MAPRE2: variants seen among roughly 807,000 people sequenced by gnomAD.
MAPRE2 encodes microtubule associated protein RP/EB family member 2, also known as microtubule-associated protein RP/EB family member 2.
A neutral mutation model predicts 43.2 loss-of-function variants in MAPRE2; 13 were observed. The ratio of observed to expected loss-of-function variants is 0.30; its 90% CI spans 0.20 to 0.48. The LOEUF (loss-of-function observed/expected upper bound fraction) is 0.48, where lower values mean the gene tolerates loss of function less well. MAPRE2 is among the 20% of genes least tolerant of loss of function. The probability of loss-of-function intolerance (pLI) is 0.99; values close to 1 mark genes in which losing one functional copy is unlikely to be tolerated. For missense variants in MAPRE2, 161 were observed against 400.2 expected, an observed-to-expected ratio of 0.40 and a Z score of 5.10; for synonymous variants, 135 against 148.8, an observed-to-expected ratio of 0.91 and a Z score of 0.68.
Position 35,141,548 on chromosome 18 carries a change from T to G in MAPRE2, c.*1179T>G, listed in dbSNP as rs1910637996. The G allele has an allele frequency of 1.3e-5, 2 of 152,210 alleles. No individual in the cohort carries two copies. The highest frequency in any genetic ancestry group is 4.8e-5 in the African/African-American group (2 of 41,458). The allele number at this position is 152,210 out of a possible 1,614,324, so 9.4% of individuals were successfully genotyped here. A position where few individuals can be genotyped will look rare whatever the true frequency, so the allele number is the denominator to read the frequency against. ...GGCCCTCCTTGTCATTGACCTTAGCTAAACCATGGCAATTCATAAATAGAG... is the reference window on the plus strand; with the variant it reads ...GGCCCTCCTTGTCATTGACCTTAGCGAAACCATGGCAATTCATAAATAGAG... On this transcript the variant is annotated 3_prime_UTR_variant, in exon 7 of 7. Transcript: ENST00000300249.
chr18:35,123,659 G>GT (rs1909783625), intron 4 of MAPRE2, among the ~76,000 whole-genome samples: 1 of 152,224 alleles, frequency 6.6e-6, no homozygotes, highest in Non-Finnish European at 1.5e-5. Flanking sequence ...GAGGCTGATG[G>GT]TTTTTATTTG....
chr18:34,998,365 T>G (rs2097027586), intron 1 of MAPRE2, among the ~76,000 whole-genome samples: 1 of 148,862 alleles, frequency 6.7e-6, no homozygotes, highest in African/African-American at 2.5e-5. Context: ...CTCACTCTGT[T>G]GCCCAGGCTG....
intron 5 of MAPRE2, among the ~76,000 whole-genome samples, chr18:35,131,578 G>A (rs923606973): frequency 7.2e-5 from 11 of 151,976 alleles, no homozygotes; most frequent in African/African-American, 2.7e-4. Flanking sequence ...TATTCATAAG[G>A]GCTCTAACCC....
intron 1 of MAPRE2, among the ~76,000 whole-genome samples, chr18:35,043,716 CGA>C (rs1905479035): frequency 6.6e-6 from 1 of 152,138 alleles, no homozygotes; most frequent in South Asian, 2.1e-4. Context: ...GATGATATAG[CGA>C]GAGGTGTCAT....
chr18:35,053,010 A>C (rs2920479), intron 1 of MAPRE2, among the ~76,000 whole-genome samples: 498 of 42,548 alleles, frequency 0.012, 5 homozygotes, highest in Middle Eastern at 0.015. Flanking sequence ...AGTCCCCCCC[A>C]CACACACACA....
chr18:35,078,441 C>G (rs1907474524), intron 2 of MAPRE2, among the ~76,000 whole-genome samples: 1 of 152,154 alleles, frequency 6.6e-6, no homozygotes, highest in Admixed American at 6.5e-5. Flanking sequence ...TTCTCTCTCT[C>G]TGCCATTTTC....
chr18:35,031,583 G>C (rs1397852352), intron 2 of MAPRE2, among the ~76,000 whole-genome samples: 1 of 152,172 alleles, frequency 6.6e-6, no homozygotes, highest in Non-Finnish European at 1.5e-5. Flanking sequence ...CATGTTCTAT[G>C]AGTTATTCTA....
In MAPRE2 at chr18:34,978,308, G is replaced by A. The variant is rs927777629; in HGVS notation, c.-70+1229G>A. ...TCGTGCTGTCAATGTAGAATGAAGG[G>A]TTAAGCGCTCAAACCCGCGCCCGCG... is the stretch of plus-strand genomic sequence containing the variant. On this transcript the variant is annotated intron_variant, in intron 1 of 7. Coordinates refer to the MAPRE2 transcript ENST00000413393. 2.8e-5 allele frequency: 18 copies of A among 633,962 alleles called. No homozygotes were observed. The African/African-American group carries it at 3.0e-4, about 10-fold the overall frequency. The allele number at this position is 633,962 out of a possible 1,614,324, so 39.3% of individuals were successfully genotyped here.
intron 2 of MAPRE2, among the ~76,000 whole-genome samples, chr18:35,022,219 C>G (rs77852786): frequency 6.6e-6 from 1 of 152,044 alleles, no homozygotes; most frequent in African/African-American, 2.4e-5. Context: ...AACATAACAT[C>G]TAAAAATCTA....
At chr18:35,000,908 C>T (rs534888914) in intron 1 of MAPRE2, among the ~76,000 whole-genome samples, 3 of 152,236 alleles carry the variant, frequency 2.0e-5, no homozygotes, top group East Asian at 1.9e-4. Context: ...GAACACCTGC[C>T]TTGTCATCCA....
chr18:35,036,231 C>G lies in MAPRE2; in HGVS notation c.-8+30678C>G, dbSNP rs541034864. Reference sequence around the variant, plus strand: ...TCCCACCGACGATTGCATCCACATCCAATTAGTCACCAAATCCTGAGTTAT... The same window carrying G: ...TCCCACCGACGATTGCATCCACATCGAATTAGTCACCAAATCCTGAGTTAT... On this transcript the variant is annotated intron_variant, in intron 2 of 7. Coordinates refer to the MAPRE2 transcript ENST00000413393. Among the ~76,000 whole-genome samples, 14 of 152,164 alleles carry G rather than the reference C, an allele frequency of 9.2e-5. No homozygotes were observed. The South Asian group carries it at 2.9e-3, about 32-fold the overall frequency.
intron 2 of MAPRE2, among the ~76,000 whole-genome samples, chr18:35,082,936 A>G (rs1907711555): frequency 6.6e-6 from 1 of 152,016 alleles, no homozygotes; most frequent in Non-Finnish European, 1.5e-5. Flanking sequence ...TTCCATGTGT[A>G]TTTCTCCAGA....
chr18:35,132,081 T>G lies in MAPRE2; in HGVS notation c.800T>G (p.Phe267Cys). 6.2e-7 allele frequency: 1 copy of G among 1,614,274 alleles called. No individual in the cohort carries two copies. Among genetic ancestry groups the G allele is most frequent in the Non-Finnish European group, 8.5e-7 (1 of 1,180,044 alleles). ...ALEGVEKERD[F>C]YFGKLREIEL... ...GAAGGCGTGGAAAAGGAAAGGGATT[T>G]CTACTTTGGGAAGTTGAGAGAGATC... The change falls in exon 6 of 7, where the codon TTC (phenylalanine) becomes TGC (cysteine). Residue 267 changes from phenylalanine to cysteine, a missense_variant. Transcript: ENST00000300249.
At chr18:35,134,406 C>A (rs1910294936) in intron 6 of MAPRE2, among the ~76,000 whole-genome samples, 1 of 152,222 alleles carries the variant, frequency 6.6e-6, no homozygotes, top group Admixed American at 6.5e-5. Context: ...GATTACTGAC[C>A]TTAACCACAT....
intron 6 of MAPRE2, among the ~76,000 whole-genome samples, chr18:35,139,611 C>CA (rs1352804500): frequency 1.7e-4 from 26 of 152,226 alleles, no homozygotes; most frequent in South Asian, 4.1e-4. Flanking sequence ...GTAGATGTCC[C>CA]AAAGTCCTTG....
At chr18:35,016,577 A>C (rs1274915482) in intron 2 of MAPRE2, among the ~76,000 whole-genome samples, 2 of 151,870 alleles carry the variant, frequency 1.3e-5, no homozygotes, top group Non-Finnish European at 2.9e-5. Context: ...CATTTTTCAT[A>C]AGTTTGTTTG....
chr18:35,132,342 C>G (rs1569016511), intron 6 of MAPRE2, 152 bp downstream of exon 6: 3 of 668,036 alleles, frequency 4.5e-6, no homozygotes, highest in Non-Finnish European at 2.5e-6. Context: ...GAATAAACAT[C>G]GTTATCATCA....
At chr18:35,058,954 T>G (rs1442906640) in intron 1 of MAPRE2, among the ~76,000 whole-genome samples, 1 of 152,198 alleles carries the variant, frequency 6.6e-6, no homozygotes, top group Non-Finnish European at 1.5e-5. Context: ...TTAATAATGG[T>G]GACTAGACAA....
chr18:35,029,800 A>G (rs1343686077), intron 2 of MAPRE2, among the ~76,000 whole-genome samples: 2 of 152,258 alleles, frequency 1.3e-5, no homozygotes, highest in Admixed American at 6.5e-5. Context: ...TGGAAATAAA[A>G]TAGAGAAAGG....
Sources: allele counts gnomAD v4.1 joint callset (sites outside exome capture counted in the v4.1 genomes callset), GRCh38; gene constraint gnomAD v4.1.1; transcripts MANE v1.5; gene names NCBI Gene and HGNC (gene_info 2026-07-23, HGNC 2026-07-21).